KIF18A: variants seen among roughly 807,000 people sequenced by gnomAD.
KIF18A encodes kinesin family member 18A.
A neutral mutation model predicts 103.3 loss-of-function variants in KIF18A; 67 were observed. The observed-to-expected ratio is 0.65, with a 90% CI of 0.53 to 0.79. KIF18A has a LOEUF of 0.79. KIF18A is among the 30% of genes least tolerant of loss of function. The pLI is 0.00. For synonymous variants in KIF18A, 367 were observed against 355.5 expected (o/e 1.03, Z -0.36); for missense variants, 1,032 against 1,062.5 (o/e 0.97, Z 0.40).
In KIF18A at chr11:28,061,632, C is replaced by T. The variant is rs752636280; in HGVS notation, c.1712+763G>A. On this transcript the variant is annotated intron_variant, in intron 12 of 16. Transcript: ENST00000263181. ...TGAACTTCCATCCACATAAGAGTAA[C>T]TCCCTGAAGTTTTTCATTTTTCTTT... Among the ~76,000 whole-genome samples, 4 of 152,126 alleles carry T rather than the reference C, an allele frequency of 2.6e-5. No homozygotes were observed. The South Asian group carries it at 6.2e-4, about 24-fold the overall frequency.
chr11:28,088,832 CAACTG>C, intron 5 of KIF18A, 111 bp from the exon 6 acceptor site: 1 of 806,942 alleles, frequency 1.2e-6, no homozygotes, highest in Non-Finnish European at 2.0e-6. Flanking sequence ...TTTTAAAAAA[CAACTG>C]AACAAGGTAT....
intron 13 of KIF18A, among the ~76,000 whole-genome samples, chr11:28,043,327 T>C (rs1850584833): frequency 6.6e-6 from 1 of 152,008 alleles, no homozygotes; most frequent in Non-Finnish European, 1.5e-5. Context: ...CCCTGGGCTG[T>C]TGGATCAGTG....
intron 15 of KIF18A, among the ~76,000 whole-genome samples, chr11:28,025,980 C>G (rs1850313701): frequency 6.6e-6 from 1 of 151,670 alleles, no homozygotes; most frequent in Non-Finnish European, 1.5e-5. Context: ...CTTTGGGGTG[C>G]TCAGAAGATT....
intron 11 of KIF18A, among the ~76,000 whole-genome samples, chr11:28,066,782 AATTAT>A (rs11273276): frequency 0.075 from 10,609 of 142,332 alleles, 436 homozygotes; most frequent in Middle Eastern, 0.11. Context: ...CTGGAAGAGA[AATTAT>A]ATTATATTAT....
chr11:28,100,164 T>G (rs1322499002), intron 1 of KIF18A, among the ~76,000 whole-genome samples: 1 of 152,064 alleles, frequency 6.6e-6, no homozygotes, highest in African/African-American at 2.4e-5. Context: ...AGGGCTTTTT[T>G]CAGCAGGGCG....
Position 28,036,348 on chromosome 11 carries a change from A to G in KIF18A, c.2265T>C (p.His755=), listed in dbSNP as rs147775401. ...CCTGTCCACATTCTTTTCTTCTATT[A>G]TGAGGGATAGCTACTTCACACAACA... ...LKMLCEVAIP[H]NRRKECGQED... The change falls in exon 14 of 17, where the codon CAT becomes CAC. Residue 755 remains histidine, a synonymous_variant. Transcript: ENST00000263181. 6.8e-6 allele frequency: 11 copies of G among 1,611,080 alleles called. No homozygotes were observed. In the African/African-American group the frequency reaches 1.3e-4, roughly 20 times the overall value.
In KIF18A at chr11:28,077,132, C is replaced by A; in HGVS notation, c.1300G>T (p.Glu434Ter). The A allele has an allele frequency of 6.3e-7, 1 of 1,577,148 alleles. No individual in the cohort carries two copies. Among genetic ancestry groups the A allele is most frequent in the South Asian group, 1.2e-5 (1 of 84,668 alleles). The change falls in exon 10 of 17, where the codon GAA becomes TAA. Residue 434 changes from glutamate to a stop codon, truncating the protein, a stop_gained. Transcript: ENST00000263181. LOFTEE classifies it high-confidence loss of function. ...TTCAGATATTCTTGTCTAATTTCTT[C>A]TCGATTCTGGAACAAGCAGTTCAGG... The part of the protein sequence containing the change: ...EILNCLFQNR[E>*]EIRQEYLKLE...
At chr11:28,063,168 G>A (rs1384685486) in intron 11 of KIF18A, among the ~76,000 whole-genome samples, 1 of 152,026 alleles carries the variant, frequency 6.6e-6, no homozygotes, top group African/African-American at 2.4e-5. Flanking sequence ...TGATTTTAGA[G>A]ATGGGCTTAT....
At chr11:28,065,628 G>A (rs890169511) in intron 11 of KIF18A, among the ~76,000 whole-genome samples, 10 of 151,916 alleles carry the variant, frequency 6.6e-5, no homozygotes, top group African/African-American at 1.9e-4. Context: ...ACAAAATAGC[G>A]ATAATAATGA....
chr11:28,072,896 C>G (rs1851039441), intron 10 of KIF18A, among the ~76,000 whole-genome samples: 1 of 152,038 alleles, frequency 6.6e-6, no homozygotes, highest in Middle Eastern at 3.4e-3. Flanking sequence ...ATCTAAATTA[C>G]TTTGGGATTA....
At chr11:28,074,880 A>G (rs908869267) in intron 10 of KIF18A, among the ~76,000 whole-genome samples, 153 of 152,280 alleles carry the variant, frequency 1.0e-3, no homozygotes, top group African/African-American at 1.9e-3. Context: ...AAATTACATA[A>G]AATACATAAA....
chr11:28,061,837 G>C (rs553227946), intron 12 of KIF18A, among the ~76,000 whole-genome samples: 1 of 151,732 alleles, frequency 6.6e-6, no homozygotes, highest in Admixed American at 6.6e-5. Context: ...TATCCAATGT[G>C]ACAAAAAAAA....
intron 13 of KIF18A, 76 bp from the exon 14 acceptor site, chr11:28,036,740 A>C (rs1850498318): frequency 1.2e-5 from 10 of 823,130 alleles, no homozygotes; most frequent in Non-Finnish European, 1.8e-5. Flanking sequence ...TTTTAAAACT[A>C]AGAAACCCTA....
intron 13 of KIF18A, among the ~76,000 whole-genome samples, chr11:28,039,249 T>C (rs1167582414): frequency 2.6e-5 from 4 of 151,736 alleles, no homozygotes; most frequent in Non-Finnish European, 4.4e-5. Context: ...AGAGTTGTAA[T>C]TTACTTTCCA....
chr11:28,087,773 C>T (rs1180403221), intron 6 of KIF18A, among the ~76,000 whole-genome samples: 1 of 151,982 alleles, frequency 6.6e-6, no homozygotes, highest in African/African-American at 2.4e-5. Context: ...TTTTAATGAT[C>T]GCCATTCTAA....
intron 13 of KIF18A, chr11:28,056,954 C>T: frequency 2.6e-6 from 1 of 377,962 alleles, no homozygotes; most frequent in South Asian, 1.9e-5. Flanking sequence ...AGAAAATTCC[C>T]CATAATGGAA....
chr11:28,078,647 A>G (rs568731200), intron 9 of KIF18A, among the ~76,000 whole-genome samples: 89 of 152,186 alleles, frequency 5.8e-4, no homozygotes, highest in African/African-American at 1.9e-3. Flanking sequence ...AAACTCCACA[A>G]TTTTCTTGGT....
intron 2 of KIF18A, among the ~76,000 whole-genome samples, chr11:28,095,973 C>T (rs1043012060): frequency 1.4e-5 from 2 of 147,616 alleles, no homozygotes; most frequent in African/African-American, 5.0e-5. Flanking sequence ...ATTGTACCAG[C>T]GCACTCCAGC....
At chr11:28,041,458 T>C (rs1339516429) in intron 13 of KIF18A, among the ~76,000 whole-genome samples, 1 of 151,672 alleles carries the variant, frequency 6.6e-6, no homozygotes, top group Admixed American at 6.6e-5. Context: ...GAAAAGAGGC[T>C]AGTTTGATTG....
Sources: gnomAD v4.1 joint callset for allele counts (sites outside exome capture counted in the v4.1 genomes callset) on GRCh38, gnomAD v4.1.1 for gene constraint, MANE v1.5 for transcripts, NCBI Gene and HGNC (gene_info 2026-07-23, HGNC 2026-07-21) for gene names.